SLC49A4: variants seen among roughly 807,000 people sequenced by gnomAD.
SLC49A4 encodes solute carrier family 49 member 4, also known as disrupted in renal cancer protein 2.
In SLC49A4, 36 loss-of-function variants were observed where a neutral mutation model predicts 50.6. The ratio of observed to expected loss-of-function variants is 0.71; its 90% CI spans 0.55 to 0.94. The LOEUF (loss-of-function observed/expected upper bound fraction) is 0.94, where lower values mean the gene tolerates loss of function less well. SLC49A4 is among the 40% of genes least tolerant of loss of function. SLC49A4 has a pLI of 0.00. For synonymous variants in SLC49A4, 248 were observed against 241.2 expected, an observed-to-expected ratio of 1.03 and a Z score of -0.26; for missense variants, 503 against 605.7, an observed-to-expected ratio of 0.83 and a Z score of 1.78.
At chr3:122,797,686 T>C (rs1936066639) in intron 1 of SLC49A4, among the ~76,000 whole-genome samples, 1 of 152,188 alleles carries the variant, frequency 6.6e-6, no homozygotes, top group African/African-American at 2.4e-5. Flanking sequence ...AATATTGATT[T>C]TCTCTGGGTT....
chr3:122,860,348 A>G (rs1292043712), intron 7 of SLC49A4, 146 bp downstream of exon 7: 19 of 706,234 alleles, frequency 2.7e-5, no homozygotes, highest in Non-Finnish European at 3.7e-5. Flanking sequence ...TCAAACCATC[A>G]TCTTATCTAA....
At chr3:122,798,496 A>G (rs1374256831) in intron 1 of SLC49A4, among the ~76,000 whole-genome samples, 1 of 152,008 alleles carries the variant, frequency 6.6e-6, no homozygotes, top group East Asian at 1.9e-4. Context: ...AATTCTCTTT[A>G]TTAGGAAGTA....
intron 3 of SLC49A4, among the ~76,000 whole-genome samples, chr3:122,827,853 G>T (rs1310730475): frequency 6.6e-6 from 1 of 152,196 alleles, no homozygotes; most frequent in African/African-American, 2.4e-5. Context: ...AGTTGAGGGG[G>T]CAGGAAAGGC....
intron 2 of SLC49A4, among the ~76,000 whole-genome samples, chr3:122,822,313 C>T (rs73193832): frequency 4.6e-5 from 7 of 152,106 alleles, no homozygotes; most frequent in Non-Finnish European, 8.8e-5. Context: ...TTAGGATAAT[C>T]GTGAGTCGCA....
intron 4 of SLC49A4, among the ~76,000 whole-genome samples, chr3:122,840,663 T>C (rs896634704): frequency 1.3e-5 from 2 of 152,174 alleles, no homozygotes; most frequent in African/African-American, 4.8e-5. Context: ...ATTTTGCACT[T>C]AAAGCACATG....
At chr3:122,815,969 CAT>C (rs1234839452) in intron 2 of SLC49A4, among the ~76,000 whole-genome samples, 3 of 152,194 alleles carry the variant, frequency 2.0e-5, no homozygotes, top group African/African-American at 7.2e-5. Context: ...GGTCTATTTA[CAT>C]CAGGTAGGTT....
At chr3:122,857,496 A>G (rs1039456845) in intron 6 of SLC49A4, among the ~76,000 whole-genome samples, 3 of 152,132 alleles carry the variant, frequency 2.0e-5, no homozygotes, top group Non-Finnish European at 4.4e-5. Flanking sequence ...AGATCCACAT[A>G]TCACCTCAAT....
intron 2 of SLC49A4, among the ~76,000 whole-genome samples, chr3:122,819,223 G>T (rs1412612516): frequency 7.9e-6 from 1 of 127,064 alleles, no homozygotes; most frequent in East Asian, 2.3e-4. Context: ...CAGCCTGGGA[G>T]ACAGAGCAAG....
intron 8 of SLC49A4, among the ~76,000 whole-genome samples, chr3:122,876,439 CAA>C (rs1937269481): frequency 6.6e-6 from 1 of 152,126 alleles, no homozygotes; most frequent in Non-Finnish European, 1.5e-5. Flanking sequence ...ACCAGGAAAA[CAA>C]AGAGCAGGTT....
chr3:122,853,846 C>G (rs1936954125), intron 5 of SLC49A4, among the ~76,000 whole-genome samples: 1 of 152,132 alleles, frequency 6.6e-6, no homozygotes, highest in Non-Finnish European at 1.5e-5. Flanking sequence ...TTTCTTGGTA[C>G]AAACTCTGAG....
chr3:122,810,279 A>C (rs1936280586), intron 2 of SLC49A4, among the ~76,000 whole-genome samples: 1 of 152,188 alleles, frequency 6.6e-6, no homozygotes, highest in Non-Finnish European at 1.5e-5. Context: ...GTACTGATGA[A>C]AACTCAGGAA....
intron 4 of SLC49A4, 113 bp from the exon 5 acceptor site, chr3:122,845,650 A>C: frequency 8.7e-6 from 2 of 231,136 alleles, no homozygotes; most frequent in Non-Finnish European, 1.5e-5. Context: ...GCCATTCTGC[A>C]GATATTTTCT....
At chr3:122,812,164 T>C (rs768031128) in intron 2 of SLC49A4, among the ~76,000 whole-genome samples, 3 of 152,164 alleles carry the variant, frequency 2.0e-5, no homozygotes, top group Admixed American at 6.6e-5. Flanking sequence ...ATATTTTGCC[T>C]GAGTTGGTCT....
intron 4 of SLC49A4, among the ~76,000 whole-genome samples, chr3:122,842,014 T>A (rs1000434729): frequency 4.6e-5 from 7 of 152,224 alleles, no homozygotes; most frequent in South Asian, 2.1e-4. Context: ...GATCGTTTTT[T>A]AAAAACAATG....
At chr3:122,859,048 C>CA (rs1483242722) in intron 6 of SLC49A4, among the ~76,000 whole-genome samples, 3 of 151,994 alleles carry the variant, frequency 2.0e-5, no homozygotes, top group African/African-American at 7.2e-5. Context: ...GTAGGGAAGA[C>CA]AAAAATAAAT....
intron 7 of SLC49A4, among the ~76,000 whole-genome samples, chr3:122,869,363 C>T (rs1937165100): frequency 6.6e-6 from 1 of 152,092 alleles, no homozygotes; most frequent in Non-Finnish European, 1.5e-5. Flanking sequence ...GCACCTTTTT[C>T]ACTTATGTAT....
At chr3:122,832,679 C>CA (rs1936622750) in intron 3 of SLC49A4, among the ~76,000 whole-genome samples, 1 of 152,060 alleles carries the variant, frequency 6.6e-6, no homozygotes, top group Admixed American at 6.6e-5. Context: ...TAGTAAGGTA[C>CA]TGTTGGCTTT....
intron 4 of SLC49A4, among the ~76,000 whole-genome samples, chr3:122,841,093 T>A (rs1936763750): frequency 6.6e-6 from 1 of 152,216 alleles, no homozygotes. Flanking sequence ...TAAAAATCAT[T>A]TAAGTGTTCA....
intron 7 of SLC49A4, 81 bp from the exon 8 acceptor site, chr3:122,872,334 G>T: frequency 8.1e-7 from 1 of 1,232,324 alleles, no homozygotes; most frequent in South Asian, 1.6e-5. Flanking sequence ...CAATACTTAG[G>T]AAAGAGAACA....
Sources: allele counts gnomAD v4.1 joint callset (sites outside exome capture counted in the v4.1 genomes callset), GRCh38; gene constraint gnomAD v4.1.1; transcripts MANE v1.5; gene names NCBI Gene and HGNC (gene_info 2026-07-23, HGNC 2026-07-21).